Variants in PARD3B observed in about 807,000 individuals in gnomAD.
PARD3B encodes partitioning defective 3 homolog B.
PARD3B carries 103 observed loss-of-function variants against 130.2 expected under a neutral mutation model. The ratio of observed to expected loss-of-function variants is 0.79; its 90% confidence interval spans 0.67 to 0.93. PARD3B has a LOEUF of 0.93. Ranked by LOEUF, PARD3B falls within the 40% of genes least tolerant of loss-of-function variation. The probability of loss-of-function intolerance (pLI) is 0.00; values close to 1 mark genes in which losing one functional copy is unlikely to be tolerated. For synonymous variants in PARD3B, 583 were observed against 553.2 expected, an observed-to-expected ratio of 1.05 and a Z score of -0.76; for missense variants, 1,609 against 1,499.2, an observed-to-expected ratio of 1.07 and a Z score of -1.21.
At chr2:204,648,407 G>GT (rs887854778) in intron 1 of PARD3B, among the ~76,000 whole-genome samples, 3 of 149,856 alleles carry the variant, frequency 2.0e-5, no homozygotes, top group African/African-American at 7.3e-5. Flanking sequence ...GTTGTTTCCA[G>GT]TTTTTTTGCC....
intron 22 of PARD3B, among the ~76,000 whole-genome samples, chr2:205,583,110 T>G (rs2054054824): frequency 6.6e-6 from 1 of 152,226 alleles, no homozygotes. Flanking sequence ...ACAGAAAATG[T>G]GCAATATATG....
intron 2 of PARD3B, among the ~76,000 whole-genome samples, chr2:204,957,232 T>C (rs1036217688): frequency 1.3e-5 from 2 of 152,152 alleles, no homozygotes; most frequent in African/African-American, 4.8e-5. Flanking sequence ...CTGGCTTCTT[T>C]AGGAACATAC....
At chr2:204,879,399 C>G (rs541794741) in intron 2 of PARD3B, among the ~76,000 whole-genome samples, 2 of 152,156 alleles carry the variant, frequency 1.3e-5, no homozygotes, top group African/African-American at 4.8e-5. Flanking sequence ...AAGGTATCAA[C>G]TGAGCCAGGT....
At chr2:204,813,130 T>C (rs1227313930) in intron 2 of PARD3B, among the ~76,000 whole-genome samples, 1 of 152,172 alleles carries the variant, frequency 6.6e-6, no homozygotes, top group Non-Finnish European at 1.5e-5. Flanking sequence ...AACTAAGAAA[T>C]TGTTTCCAAA....
intron 20 of PARD3B, among the ~76,000 whole-genome samples, chr2:205,480,981 G>A (rs1300375701): frequency 6.6e-6 from 1 of 152,114 alleles, no homozygotes; most frequent in African/African-American, 2.4e-5. Context: ...GCTGTGACAA[G>A]CTTAGGCTAT....
At chr2:205,311,985 T>A (rs757051593) in intron 18 of PARD3B, among the ~76,000 whole-genome samples, 7 of 152,238 alleles carry the variant, frequency 4.6e-5, no homozygotes, top group Non-Finnish European at 8.8e-5. Context: ...TGTCCTGTAA[T>A]ACATTACCCA....
At chr2:204,880,818 A>T (rs1264333350) in intron 2 of PARD3B, among the ~76,000 whole-genome samples, 1 of 152,208 alleles carries the variant, frequency 6.6e-6, no homozygotes, top group Non-Finnish European at 1.5e-5. Context: ...ATAGGGAGCC[A>T]GAGCTAACTA....
chr2:205,260,611 A>G (rs1330282418), intron 16 of PARD3B, among the ~76,000 whole-genome samples: 1 of 152,122 alleles, frequency 6.6e-6, no homozygotes, highest in Non-Finnish European at 1.5e-5. Context: ...TACTGGCAGG[A>G]CACTGCTAAC....
Position 204,953,061 on chromosome 2 carries a change from T to G in PARD3B, c.223-12091T>G, listed in dbSNP as rs1689922675. 3.0e-5 allele frequency among the ~76,000 whole-genome samples: 4 copies of G among 132,718 alleles called. No homozygotes were observed. In the South Asian group the frequency reaches 1.4e-3, roughly 45 times the overall value. 87.1% of individuals were successfully genotyped at this position (132,718 alleles called of 152,430 possible). ...ATGTATATATGTATATATACGTATA[T>G]ATATAGAGAGAGAGGGAGAGAGAGA... On this transcript the variant is annotated intron_variant, in intron 2 of 22. Transcript: ENST00000406610.
chr2:204,583,597 C>T (rs2032682709), intron 1 of PARD3B, among the ~76,000 whole-genome samples: 1 of 115,470 alleles, frequency 8.7e-6, no homozygotes, highest in South Asian at 3.0e-4. Flanking sequence ...GCACAATGTG[C>T]ACATGTACCC....
intron 1 of PARD3B, among the ~76,000 whole-genome samples, chr2:204,629,959 T>C (rs16836425): frequency 0.029 from 4,344 of 152,240 alleles, 174 homozygotes; most frequent in East Asian, 0.14. Flanking sequence ...TTACATAAAG[T>C]AAGATATCTC....
chr2:205,431,839 T>C (rs529705364), intron 19 of PARD3B, among the ~76,000 whole-genome samples: 1 of 152,280 alleles, frequency 6.6e-6, no homozygotes, highest in South Asian at 2.1e-4. Context: ...AACATTAATG[T>C]TGAAGACAAA....
At chr2:204,874,434 A>T (rs2125654475) in intron 2 of PARD3B, among the ~76,000 whole-genome samples, 1 of 152,340 alleles carries the variant, frequency 6.6e-6, no homozygotes, top group East Asian at 1.9e-4. Context: ...CAGTAGTAAA[A>T]CATTCACCTC....
intron 18 of PARD3B, among the ~76,000 whole-genome samples, chr2:205,357,821 A>C (rs1435331944): frequency 6.6e-6 from 1 of 152,208 alleles, no homozygotes; most frequent in Non-Finnish European, 1.5e-5. Flanking sequence ...GAAAGTACTC[A>C]ATAACATTAA....
intron 2 of PARD3B, among the ~76,000 whole-genome samples, chr2:204,837,422 CTTTTT>C (rs201988854): frequency 7.1e-6 from 1 of 140,114 alleles, no homozygotes. Flanking sequence ...ATAAAAATTA[CTTTTT>C]TTTTTTTTTT....
chr2:204,629,645 A>G (rs1574579554), intron 1 of PARD3B, among the ~76,000 whole-genome samples: 1 of 152,222 alleles, frequency 6.6e-6, no homozygotes, highest in African/African-American at 2.4e-5. Flanking sequence ...CAACACTTGT[A>G]TAATGCCACA....
chr2:205,155,818 T>C (rs1057082550), intron 10 of PARD3B, among the ~76,000 whole-genome samples: 1 of 152,228 alleles, frequency 6.6e-6, no homozygotes, highest in Non-Finnish European at 1.5e-5. Context: ...CATTTTTTCA[T>C]GTGTTTTTTG....
At chr2:205,002,868 T>TA (rs948988963) in intron 3 of PARD3B, among the ~76,000 whole-genome samples, 2 of 152,214 alleles carry the variant, frequency 1.3e-5, no homozygotes, top group African/African-American at 4.8e-5. Context: ...TTTATTGTCT[T>TA]ACATTTCTGG....
intron 1 of PARD3B, among the ~76,000 whole-genome samples, chr2:204,585,397 A>G (rs2032772392): frequency 6.6e-6 from 1 of 151,948 alleles, no homozygotes; most frequent in South Asian, 2.1e-4. Flanking sequence ...CAGTGGTGCA[A>G]TCATAGCTCA....
Sources: gnomAD v4.1 joint callset for allele counts (sites outside exome capture counted in the v4.1 genomes callset) on GRCh38, gnomAD v4.1.1 for gene constraint, MANE v1.5 for transcripts, NCBI Gene and HGNC (gene_info 2026-07-23, HGNC 2026-07-21) for gene names.